Variants in ASPH observed in about 807,000 individuals in gnomAD.
The protein encoded by ASPH is aspartyl/asparaginyl beta-hydroxylase.
A neutral mutation model predicts 118.4 loss-of-function variants in ASPH; 100 were observed. The ratio of observed to expected loss-of-function variants is 0.84; its 90% CI spans 0.72 to 1.00. The LOEUF (loss-of-function observed/expected upper bound fraction) is 1.00. ASPH is among the 50% of genes least tolerant of loss of function. The probability of loss-of-function intolerance (pLI) is 0.00; values close to 1 mark genes in which losing one functional copy is unlikely to be tolerated. For missense variants in ASPH, 920 were observed against 919.5 expected (o/e 1.00, Z -0.01); for synonymous variants, 315 against 325.6 (o/e 0.97, Z 0.35).
At chr8:61,609,550 TAAGGA>T (rs1437517379) in intron 14 of ASPH, among the ~76,000 whole-genome samples, 2 of 152,184 alleles carry the variant, frequency 1.3e-5, no homozygotes, top group Non-Finnish European at 2.9e-5. Context: ...TTCATAGTGT[TAAGGA>T]AAGGCGGTAG....
chr8:61,505,551 T>C (rs184541942), intron 24 of ASPH, among the ~76,000 whole-genome samples: 1 of 150,022 alleles, frequency 6.7e-6, no homozygotes, highest in Non-Finnish European at 1.5e-5. Context: ...TTCTGAGTCC[T>C]CCCCAGCCAT....
At chr8:61,713,092 T>C (rs1022500394) in intron 1 of ASPH, among the ~76,000 whole-genome samples, 6 of 152,246 alleles carry the variant, frequency 3.9e-5, no homozygotes, top group Non-Finnish European at 2.9e-5. Flanking sequence ...CAAAGGTGAA[T>C]TAATATGCTT....
chr8:61,695,334 T>C (rs1337714316), intron 1 of ASPH, among the ~76,000 whole-genome samples: 1 of 152,230 alleles, frequency 6.6e-6, no homozygotes, highest in African/African-American at 2.4e-5. Flanking sequence ...ACATCTTCCA[T>C]GTGGCCTACA....
intron 21 of ASPH, among the ~76,000 whole-genome samples, chr8:61,541,306 G>A (rs1485233377): frequency 6.6e-6 from 1 of 152,192 alleles, no homozygotes; most frequent in Non-Finnish European, 1.5e-5. Context: ...GGAGCTTGCA[G>A]CGAGCTGAGA....
chr8:61,515,499 A>G (rs965523726), intron 24 of ASPH, among the ~76,000 whole-genome samples: 2 of 151,944 alleles, frequency 1.3e-5, no homozygotes, highest in Admixed American at 1.3e-4. Context: ...TTTTCATGGA[A>G]CCTTTTCATT....
At chr8:61,539,677 G>T (rs1820988825) in intron 21 of ASPH, among the ~76,000 whole-genome samples, 1 of 123,418 alleles carries the variant, frequency 8.1e-6, no homozygotes, top group East Asian at 2.5e-4. Context: ...ACCATCATGT[G>T]ATGGTCACCT....
intron 14 of ASPH, among the ~76,000 whole-genome samples, chr8:61,613,620 G>A (rs1017732057): frequency 2.0e-5 from 3 of 152,284 alleles, no homozygotes; most frequent in Admixed American, 2.0e-4. Flanking sequence ...TTTCTGGTCT[G>A]GGGTAGGAGA....
chr8:61,570,094 C>T (rs187285245), intron 16 of ASPH, among the ~76,000 whole-genome samples: 15 of 152,260 alleles, frequency 9.9e-5, no homozygotes, highest in African/African-American at 3.4e-4. Flanking sequence ...CGTCGTAAGT[C>T]AAAATGTATT....
intron 5 of ASPH, among the ~76,000 whole-genome samples, chr8:61,650,816 C>T (rs905702778): frequency 6.6e-6 from 1 of 152,092 alleles, no homozygotes; most frequent in Admixed American, 6.5e-5. Flanking sequence ...CTCATTTATT[C>T]CCACCAGTTC....
intron 16 of ASPH, among the ~76,000 whole-genome samples, chr8:61,573,412 C>T (rs1339253132): frequency 6.6e-6 from 1 of 152,148 alleles, no homozygotes; most frequent in African/African-American, 2.4e-5. Context: ...CAAGACAATC[C>T]TAAGCAAAAA....
chr8:61,633,762 A>G (rs1856598608), intron 12 of ASPH, 35 bp from the exon 13 acceptor site: 5 of 1,465,738 alleles, frequency 3.4e-6, no homozygotes, highest in East Asian at 2.4e-5. Flanking sequence ...TCTGTTACAT[A>G]TTGCTGATCA....
intron 10 of ASPH, among the ~76,000 whole-genome samples, chr8:61,642,538 T>C (rs1243313819): frequency 6.6e-6 from 1 of 152,204 alleles, no homozygotes; most frequent in Non-Finnish European, 1.5e-5. Context: ...AAACTATAGG[T>C]ATATTTTAAA....
At chr8:61,510,884 G>C (rs1468900136) in intron 24 of ASPH, among the ~76,000 whole-genome samples, 1 of 152,156 alleles carries the variant, frequency 6.6e-6, no homozygotes, top group Non-Finnish European at 1.5e-5. Context: ...GATGAAGATG[G>C]GAGAATATCT....
At chr8:61,563,638 A>G (rs1830699518) in intron 17 of ASPH, among the ~76,000 whole-genome samples, 1 of 152,252 alleles carries the variant, frequency 6.6e-6, no homozygotes, top group African/African-American at 2.4e-5. Flanking sequence ...CTGCCAAACC[A>G]TCTGCCATAA....
chr8:61,691,573 A>T (rs1832653908), intron 1 of ASPH, among the ~76,000 whole-genome samples: 1 of 152,148 alleles, frequency 6.6e-6, no homozygotes, highest in East Asian at 1.9e-4. Context: ...TGGAGGGAGA[A>T]TGACAGCAAC....
chr8:61,713,297 G>A (rs1589397985), intron 1 of ASPH, among the ~76,000 whole-genome samples: 1 of 152,226 alleles, frequency 6.6e-6, no homozygotes, highest in Non-Finnish European at 1.5e-5. Context: ...CAGAGAGAAT[G>A]AGCCAAAGAC....
rs574031734 is a variant in ASPH at position 61,565,577 on chromosome 8, G to C, written c.1300+1591C>G. 2.7e-5 allele frequency among the ~76,000 whole-genome samples: 4 copies of C among 150,930 alleles called. No individual in the cohort carries two copies. In the South Asian group the frequency reaches 8.4e-4, roughly 32 times the overall value. On this transcript the variant is annotated intron_variant, in intron 17 of 24. Transcript: ENST00000379454. The stretch of plus-strand genomic sequence containing the variant: ...AAAAGTGTAAGATGAAGTAGCAAGT[G>C]CTAATGTAGAAGCTGTAGCAAGTTT...
In ASPH at chr8:61,584,078, A is replaced by G. The variant is rs1214025934; in HGVS notation, c.977-49T>C. On this transcript the variant is annotated intron_variant, in intron 14 of 24. Coordinates refer to ENST00000379454, the MANE Select transcript of ASPH (RefSeq NM_004318.4). ...TTTTTAACGTTTTTTGACTAGAAAT[A>G]GTTATTAAGCATAACAATTTACAAG... 3 of 1,189,620 alleles carry G rather than the reference A, an allele frequency of 2.5e-6. No homozygotes were observed. The African/African-American group carries it at 4.7e-5, about 19-fold the overall frequency. 73.7% of individuals were successfully genotyped at this position (1,189,620 alleles called of 1,614,324 possible).
chr8:61,570,512 G>A (rs912299084), intron 16 of ASPH, among the ~76,000 whole-genome samples: 1 of 152,168 alleles, frequency 6.6e-6, no homozygotes, highest in African/African-American at 2.4e-5. Context: ...AAAAGGGAGA[G>A]AGATAGTATA....
Sources: allele counts gnomAD v4.1 joint callset (sites outside exome capture counted in the v4.1 genomes callset), GRCh38; gene constraint gnomAD v4.1.1; transcripts MANE v1.5; gene names NCBI Gene and HGNC (gene_info 2026-07-23, HGNC 2026-07-21).